The following B4GALNT3 variants were observed in gnomAD, a reference collection of about 807,000 sequenced individuals.
B4GALNT3 encodes beta-1,4-N-acetyl-galactosaminyltransferase 3.
B4GALNT3 carries 86 observed loss-of-function variants against 120.2 expected under a neutral mutation model. The ratio of observed to expected loss-of-function variants is 0.72; its 90% CI spans 0.60 to 0.86. The LOEUF is 0.86. Ranked by LOEUF, B4GALNT3 falls within the 40% of genes least tolerant of loss-of-function variation. B4GALNT3 has a pLI of 0.00. For synonymous variants in B4GALNT3, 518 were observed against 510.4 expected (o/e 1.01, Z -0.20); for missense variants, 1,167 against 1,298.9 (o/e 0.90, Z 1.56).
chr12:461,801 C>T (rs1350767633), intron 1 of B4GALNT3, among the ~76,000 whole-genome samples: 1 of 152,180 alleles, frequency 6.6e-6, no homozygotes, highest in African/African-American at 2.4e-5. Context: ...CCTAACCTTT[C>T]TGTGGTGATG....
At chr12:478,525 C>T (rs1444180681) in intron 1 of B4GALNT3, among the ~76,000 whole-genome samples, 1 of 152,100 alleles carries the variant, frequency 6.6e-6, no homozygotes, top group South Asian at 2.1e-4. Context: ...GCAAAAACTA[C>T]CCAAGGTACT....
At chr12:517,667 C>T (rs1349631378) in intron 1 of B4GALNT3, among the ~76,000 whole-genome samples, 3 of 152,238 alleles carry the variant, frequency 2.0e-5, no homozygotes, top group African/African-American at 7.2e-5. Flanking sequence ...CCAGGATCCT[C>T]CTCTCTGGAT....
intron 1 of B4GALNT3, among the ~76,000 whole-genome samples, chr12:483,508 G>A (rs2120480301): frequency 6.6e-6 from 1 of 152,264 alleles, no homozygotes; most frequent in South Asian, 2.1e-4. Flanking sequence ...ACCAGCCTGA[G>A]CAACATGGTG....
intron 11 of B4GALNT3, among the ~76,000 whole-genome samples, chr12:551,839 T>C (rs573107792): frequency 6.6e-6 from 1 of 152,022 alleles, no homozygotes; most frequent in South Asian, 2.1e-4. Context: ...CAGGGTTGCA[T>C]TTGGTCCATA....
chr12:552,660 C>A, intron 13 of B4GALNT3, 132 bp downstream of exon 13: 1 of 783,322 alleles, frequency 1.3e-6, no homozygotes, highest in Non-Finnish European at 2.1e-6. Context: ...CCTCTCCCTT[C>A]ACACCCAAGG....
At chr12:503,378 C>T (rs1946462009) in intron 1 of B4GALNT3, among the ~76,000 whole-genome samples, 1 of 152,170 alleles carries the variant, frequency 6.6e-6, no homozygotes, top group Non-Finnish European at 1.5e-5. Flanking sequence ...CTGTTGACAG[C>T]CACCTCCCTC....
Position 519,317 on chromosome 12 carries a change from C to T in B4GALNT3, c.170-15849C>T, listed in dbSNP as rs760744071. On this transcript the variant is annotated intron_variant, in intron 1 of 19. Coordinates refer to ENST00000266383, the MANE Select transcript of B4GALNT3 (RefSeq NM_173593.4). ...ATTACTAGGATACCGGCAGCTATCA[C>T]AGGTCATTAAATATCAAAGTTTATG... 5.9e-5 allele frequency among the ~76,000 whole-genome samples: 9 copies of T among 152,304 alleles called. No homozygotes were observed. In the South Asian group the frequency reaches 1.2e-3, roughly 21 times the overall value.
chr12:491,551 ACTC>A (rs1946339807), intron 1 of B4GALNT3, among the ~76,000 whole-genome samples: 1 of 150,798 alleles, frequency 6.6e-6, no homozygotes, highest in African/African-American at 2.4e-5. Flanking sequence ...CTAGTCTTGA[ACTC>A]CTGAGCTCAA....
At chr12:522,940 TTA>T (rs1491390925) in intron 1 of B4GALNT3, among the ~76,000 whole-genome samples, 10,384 of 76,978 alleles carry the variant, frequency 0.13, 869 homozygotes, top group East Asian at 0.5. Context: ...GAGACTCTGT[TTA>T]AAAAAAAAAA....
chr12:529,132 C>T (rs1238955115), intron 1 of B4GALNT3, among the ~76,000 whole-genome samples: 1 of 152,152 alleles, frequency 6.6e-6, no homozygotes, highest in Non-Finnish European at 1.5e-5. Flanking sequence ...TACCCTTGCC[C>T]AGGGACAAGC....
chr12:479,247 T>C (rs776423203), intron 1 of B4GALNT3, among the ~76,000 whole-genome samples: 25 of 151,948 alleles, frequency 1.6e-4, no homozygotes, highest in Non-Finnish European at 3.2e-4. Flanking sequence ...GGTCTCACCA[T>C]GTTGCCCAGG....
At chr12:483,889 C>G (rs1946264795) in intron 1 of B4GALNT3, among the ~76,000 whole-genome samples, 1 of 152,138 alleles carries the variant, frequency 6.6e-6, no homozygotes, top group Non-Finnish European at 1.5e-5. Flanking sequence ...AGCCATGACA[C>G]TGCAATGGTG....
intron 3 of B4GALNT3, among the ~76,000 whole-genome samples, chr12:537,474 C>T (rs1344401849): frequency 1.3e-5 from 2 of 152,090 alleles, no homozygotes; most frequent in Non-Finnish European, 2.9e-5. Flanking sequence ...CCAGGCTGAC[C>T]TCAAACTCCT....
Position 545,685 on chromosome 12 carries a change from C to G in B4GALNT3, c.639+216C>G, listed in dbSNP as rs71435012. Among the ~76,000 whole-genome samples the G allele has an allele frequency of 2.0e-4, 20 of 98,876 alleles. 1 individual carries two copies. Among genetic ancestry groups the G allele is most frequent in the African/African-American group, 3.1e-4 (6 of 19,568 alleles). 64.9% of individuals were successfully genotyped at this position (98,876 alleles called of 152,430 possible). On this transcript the variant is annotated intron_variant, in intron 6 of 19. Transcript: ENST00000266383. ...GGGAGGAGCGAGGTGTGGGGAGGAG[C>G]GAGGTGTGGGGAGGAGTGAGGAATG...
chr12:501,296 T>A (rs1213948129), intron 1 of B4GALNT3, among the ~76,000 whole-genome samples: 1 of 152,198 alleles, frequency 6.6e-6, no homozygotes, highest in Middle Eastern at 3.2e-3. Flanking sequence ...CTAAAACTAA[T>A]CTATTTGCAG....
intron 1 of B4GALNT3, among the ~76,000 whole-genome samples, chr12:488,503 G>T (rs1946311778): frequency 1.3e-5 from 2 of 152,110 alleles, no homozygotes; most frequent in Admixed American, 1.3e-4. Flanking sequence ...GAAATGAATT[G>T]CAGCATTAAT....
Position 545,426 on chromosome 12 carries a change from A to G in B4GALNT3, c.596A>G (p.Asp199Gly), listed in dbSNP as rs1946981152. The stretch of plus-strand genomic sequence containing the variant: ...AACGCGGAGTTCTGGCTGAGCCTCG[A>G]TGACCAGGTCTCAGGCCTCCAGCTG... Reference protein sequence around the residue: ...DDNAEFWLSLDDQVSGLQLLA... With the variant: ...DDNAEFWLSLGDQVSGLQLLA... The change falls in exon 6 of 20, where the codon GAT becomes GGT. Residue 199 changes from aspartate to glycine, a missense_variant. Coordinates refer to ENST00000266383, the MANE Select transcript of B4GALNT3 (RefSeq NM_173593.4). The G allele has an allele frequency of 1.2e-6, 2 of 1,611,542 alleles. No individual in the cohort carries two copies. Among genetic ancestry groups the G allele is most frequent in the Non-Finnish European group, 1.7e-6 (2 of 1,179,354 alleles).
At chr12:521,205 C>G (rs1186480263) in intron 1 of B4GALNT3, among the ~76,000 whole-genome samples, 1 of 152,154 alleles carries the variant, frequency 6.6e-6, no homozygotes, top group African/African-American at 2.4e-5. Context: ...GCCAGCAGGA[C>G]TCTCGTCATC....
At chr12:557,276 C>T (rs538152196) in intron 15 of B4GALNT3, among the ~76,000 whole-genome samples, 5 of 152,122 alleles carry the variant, frequency 3.3e-5, no homozygotes, top group Admixed American at 1.3e-4. Context: ...GGGGATAGGA[C>T]GACGATACTA....
Sources: allele counts gnomAD v4.1 joint callset (sites outside exome capture counted in the v4.1 genomes callset), GRCh38; gene constraint gnomAD v4.1.1; transcripts MANE v1.5; gene names NCBI Gene and HGNC (gene_info 2026-07-23, HGNC 2026-07-21).